ARPC2: variants seen among roughly 807,000 people sequenced by gnomAD.
ARPC2 encodes the protein actin-related protein 2/3 complex subunit 2.
ARPC2 carries 4 observed loss-of-function variants against 38.6 expected under a neutral mutation model. That is an observed-to-expected ratio of 0.10 (90% CI 0.05 to 0.24). The LOEUF is 0.24. Among genes scored for constraint, ARPC2 ranks in the 10% least tolerant of loss-of-function variants. ARPC2 has a pLI of 1.00. For missense variants in ARPC2, 229 were observed against 387.3 expected (o/e 0.59, Z 3.43); for synonymous variants, 125 against 140.8 (o/e 0.89, Z 0.79).
At chr2:218,230,122 C>T (rs991267402) in intron 4 of ARPC2, among the ~76,000 whole-genome samples, 2 of 151,632 alleles carry the variant, frequency 1.3e-5, no homozygotes, top group African/African-American at 4.8e-5. Context: ...AGGCATGCAC[C>T]GCTACACCTG....
chr2:218,249,969 G>A (rs184156107), intron 10 of ARPC2, 48 bp downstream of exon 10: 143 of 1,492,186 alleles, frequency 9.6e-5, no homozygotes, highest in Non-Finnish European at 6.4e-5. Flanking sequence ...CTGAGTCACC[G>A]AGAAGGAAGC....
chr2:218,224,664 C>A (rs759938960), intron 2 of ARPC2, among the ~76,000 whole-genome samples: 4 of 144,650 alleles, frequency 2.8e-5, no homozygotes, highest in Admixed American at 1.5e-4. Context: ...TACTTCAATT[C>A]GTAGAGATAC....
chr2:218,220,584 T>G (rs912261062), intron 2 of ARPC2, among the ~76,000 whole-genome samples: 3 of 152,112 alleles, frequency 2.0e-5, no homozygotes, highest in African/African-American at 7.2e-5. Flanking sequence ...AGAATATAGT[T>G]GCATTAATTT....
chr2:218,239,067 C>T (rs1689846818), intron 6 of ARPC2: 1 of 565,858 alleles, frequency 1.8e-6, no homozygotes, highest in African/African-American at 1.9e-5. Context: ...AAAGAGAATC[C>T]AGTGCTTTCC....
intron 8 of ARPC2, among the ~76,000 whole-genome samples, chr2:218,248,607 C>T (rs1191068240): frequency 1.3e-5 from 2 of 152,216 alleles, no homozygotes; most frequent in Non-Finnish European, 2.9e-5. Flanking sequence ...ATTACAGGCA[C>T]ACGCCATCAC....
intron 4 of ARPC2, among the ~76,000 whole-genome samples, chr2:218,232,546 A>ATTTTT (rs71064418): frequency 6.0e-5 from 5 of 83,144 alleles, no homozygotes; most frequent in African/African-American, 8.8e-5. Context: ...GCCAGACTCA[A>ATTTTT]TTTTTTTTTT....
At chr2:218,233,738 G>A (rs950205499) in intron 4 of ARPC2, 3 of 151,982 alleles carry the variant, frequency 2.0e-5, no homozygotes, top group Non-Finnish European at 4.4e-5. Flanking sequence ...CTAACAATCT[G>A]TTCTCTCACT....
chr2:218,226,857 G>T (rs1167344072), intron 3 of ARPC2: 1 of 209,838 alleles, frequency 4.8e-6, no homozygotes, highest in Non-Finnish European at 1.1e-5. Flanking sequence ...TCTTCAAGTA[G>T]CTGTCAGTCT....
chr2:218,225,929 G>A lies in ARPC2; in HGVS notation c.84G>A (p.Pro28=), dbSNP rs1428619316. ...KFENAAAGNK[P]EAVEVTFADF... ...TTTTTGTTGTTTACAGAAACAAACC[G>A]GAAGCAGTAGAAGTAACATTTGCAG... The change falls in exon 3 of 11, where the codon CCG becomes CCA. Residue 28 remains proline (P), a synonymous_variant. Transcript: ENST00000315717. 11 of 1,613,640 alleles carry A rather than the reference G, an allele frequency of 6.8e-6. No homozygotes were observed. Among genetic ancestry groups the A allele is most frequent in the East Asian group, 2.2e-5 (1 of 44,866 alleles).
At chr2:218,227,063 A>AG (rs1352821706) in intron 3 of ARPC2, 1 of 456,190 alleles carries the variant, frequency 2.2e-6, no homozygotes, top group Admixed American at 2.3e-5. Context: ...TGATCTTGGA[A>AG]GACTTTTGCA....
intron 10 of ARPC2, 58 bp downstream of exon 10, chr2:218,249,979 C>T: frequency 7.0e-7 from 1 of 1,430,558 alleles, no homozygotes; most frequent in South Asian, 1.2e-5. Context: ...GAGAAGGAAG[C>T]AGTGGGCGCT....
At chr2:218,251,923 T>C (rs1690201692) in intron 10 of ARPC2, among the ~76,000 whole-genome samples, 2 of 152,012 alleles carry the variant, frequency 1.3e-5, no homozygotes, top group African/African-American at 4.8e-5. Context: ...TCAGACATTG[T>C]CAAAAAGCAG....
At chr2:218,229,174 A>C (rs1021448116) in intron 4 of ARPC2, 2 of 176,796 alleles carry the variant, frequency 1.1e-5, no homozygotes, top group African/African-American at 4.8e-5. Context: ...CAAGGCAGAT[A>C]GATAACTTCT....
chr2:218,230,031 C>A (rs1291709978), intron 4 of ARPC2, among the ~76,000 whole-genome samples: 2 of 151,406 alleles, frequency 1.3e-5, no homozygotes, highest in Admixed American at 6.6e-5. Context: ...ACTGCAGTGG[C>A]GCCAGCTCAG....
chr2:218,244,021 A>G (rs1689973763), intron 7 of ARPC2, among the ~76,000 whole-genome samples: 1 of 152,238 alleles, frequency 6.6e-6, no homozygotes, highest in African/African-American at 2.4e-5. Flanking sequence ...AAGTAAAACC[A>G]GTAAAAGTTA....
At chr2:218,227,977 AAT>A (rs1689543586) in intron 3 of ARPC2, among the ~76,000 whole-genome samples, 1 of 152,238 alleles carries the variant, frequency 6.6e-6, no homozygotes, top group African/African-American at 2.4e-5. Context: ...TTTTTTAACA[AAT>A]AGTCTTCTGT....
At chr2:218,247,479 T>C (rs1169352365) in intron 8 of ARPC2, among the ~76,000 whole-genome samples, 1 of 152,172 alleles carries the variant, frequency 6.6e-6, no homozygotes, top group Non-Finnish European at 1.5e-5. Flanking sequence ...CTATACACTT[T>C]TTTCTTTTTT....
chr2:218,219,515 A>C (rs1472195997), intron 2 of ARPC2, among the ~76,000 whole-genome samples: 1 of 151,942 alleles, frequency 6.6e-6, no homozygotes, highest in African/African-American at 2.4e-5. Context: ...ACACCTGGCT[A>C]ATATTTGTAT....
At chr2:218,231,322 G>C (rs1177232877) in intron 4 of ARPC2, among the ~76,000 whole-genome samples, 3 of 152,118 alleles carry the variant, frequency 2.0e-5, no homozygotes, top group South Asian at 4.1e-4. Context: ...CCAAGGGGAG[G>C]GAGCAAAGCA....
Sources: gnomAD v4.1 joint callset for allele counts (sites outside exome capture counted in the v4.1 genomes callset) on GRCh38, gnomAD v4.1.1 for gene constraint, MANE v1.5 for transcripts, NCBI Gene and HGNC (gene_info 2026-07-23, HGNC 2026-07-21) for gene names.